Variants in PARP4 observed in about 807,000 individuals in gnomAD.
The protein encoded by PARP4 is protein mono-ADP-ribosyltransferase PARP4.
Under a neutral mutation model 187.7 loss-of-function variants are expected in PARP4, and 120 were observed. The ratio of observed to expected loss-of-function variants is 0.64; its 90% CI spans 0.55 to 0.74. The LOEUF (loss-of-function observed/expected upper bound fraction) is 0.74, where lower values mean the gene tolerates loss of function less well. Ranked by LOEUF, PARP4 falls within the 30% of genes least tolerant of loss-of-function variation. The probability of loss-of-function intolerance (pLI) is 0.00; values close to 1 mark genes in which losing one functional copy is unlikely to be tolerated. For missense variants in PARP4, 1,836 were observed against 2,070.5 expected (o/e 0.89, Z 2.20); for synonymous variants, 654 against 740.9 (o/e 0.88, Z 1.90).
intron 12 of PARP4, among the ~76,000 whole-genome samples, chr13:24,480,153 A>G (rs759784252): frequency 2.6e-5 from 4 of 152,244 alleles, no homozygotes; most frequent in Non-Finnish European, 5.9e-5. Context: ...TCTTGAAGTC[A>G]GTGAGACCAA....
At position 24,435,062 on chromosome 13, in the gene PARP4, T is replaced by A. The variant is rs1870550017; in HGVS notation, c.4079A>T (p.Asp1360Val). 6.2e-7 allele frequency: 1 copy of A among 1,613,924 alleles called. No homozygotes were observed. Among genetic ancestry groups the A allele is most frequent in the African/African-American group, 1.3e-5 (1 of 74,900 alleles). The part of the protein sequence containing the change: ...FGSAAPPRQF[D>V]ASQFSQGPVP... ...AGGGCCTTGGCTGAATTGAGATGCA[T>A]CAAACTGTCTGGGAGGAGCAGCTGA... The change falls in exon 31 of 34, where the codon GAT becomes GTT. Residue 1360 changes from aspartate (D) to valine (V), a missense_variant. By Grantham distance (152) the Asp-to-Val change is radical. Coordinates refer to ENST00000381989, the MANE Select transcript of PARP4 (RefSeq NM_006437.4).
rs983546939 is a variant in PARP4 at position 24,484,828 on chromosome 13, T to A, written c.1353-80A>T. On this transcript the variant is annotated intron_variant, in intron 11 of 33. Coordinates refer to ENST00000381989, the MANE Select transcript of PARP4 (RefSeq NM_006437.4). Reference sequence around the variant, plus strand: ...CTTGCTCAGAATTTTGGCAGGTTCCTACTGAACTTCTGGCATTCAGAGAAC... The same window carrying A: ...CTTGCTCAGAATTTTGGCAGGTTCCAACTGAACTTCTGGCATTCAGAGAAC... 7 of 888,944 alleles carry A rather than the reference T, an allele frequency of 7.9e-6. No individual in the cohort carries two copies. The African/African-American group carries it at 9.9e-5, about 13-fold the overall frequency. 55.1% of individuals were successfully genotyped at this position (888,944 alleles called of 1,614,324 possible). A position where few individuals can be genotyped will look rare whatever the true frequency, so the allele number is the denominator to read the frequency against.
At chr13:24,511,940 C>T (rs1870038006) in intron 1 of PARP4, among the ~76,000 whole-genome samples, 1 of 152,182 alleles carries the variant, frequency 6.6e-6, no homozygotes, top group Non-Finnish European at 1.5e-5. Flanking sequence ...AGTAGCTCTA[C>T]GCACACAAAC....
chr13:24,463,807 C>G (rs777014259), intron 17 of PARP4, among the ~76,000 whole-genome samples: 3 of 151,970 alleles, frequency 2.0e-5, no homozygotes, highest in Non-Finnish European at 2.9e-5. Flanking sequence ...GGCACTCAGT[C>G]AAGATAAAGA....
At chr13:24,495,184 T>A (rs968184860) in intron 6 of PARP4, among the ~76,000 whole-genome samples, 3 of 152,180 alleles carry the variant, frequency 2.0e-5, no homozygotes, top group African/African-American at 7.2e-5. Flanking sequence ...ATTACCAAAA[T>A]TTTAAACTCT....
At chr13:24,473,876 G>T (rs1448673509) in intron 15 of PARP4, among the ~76,000 whole-genome samples, 1 of 152,034 alleles carries the variant, frequency 6.6e-6, no homozygotes, top group East Asian at 1.9e-4. Context: ...CTCCCTCCTG[G>T]TCTCTGTGGC....
At chr13:24,508,584 G>A (rs901654655) in intron 1 of PARP4, among the ~76,000 whole-genome samples, 10 of 152,176 alleles carry the variant, frequency 6.6e-5, no homozygotes, top group Admixed American at 6.5e-4. Context: ...TGAGACCTCG[G>A]CTCACGGCAC....
At chr13:24,479,259 GA>G (rs369304493) in intron 12 of PARP4, among the ~76,000 whole-genome samples, 2,251 of 149,304 alleles carry the variant, frequency 0.015, 61 homozygotes, top group African/African-American at 0.052. Flanking sequence ...TTCACCTACT[GA>G]AAAAAAAAAT....
At chr13:24,481,529 C>T (rs1403663329) in intron 12 of PARP4, among the ~76,000 whole-genome samples, 2 of 152,118 alleles carry the variant, frequency 1.3e-5, no homozygotes, top group East Asian at 1.9e-4. Context: ...CCTATCTCTA[C>T]TAAAAATACA....
intron 12 of PARP4, among the ~76,000 whole-genome samples, chr13:24,484,397 T>C (rs954418289): frequency 6.6e-6 from 1 of 152,138 alleles, no homozygotes; most frequent in Non-Finnish European, 1.5e-5. Context: ...GGTCTTAAAC[T>C]CCTGGGCTCA....
At chr13:24,509,863 C>G (rs1429532034) in intron 1 of PARP4, among the ~76,000 whole-genome samples, 1 of 152,028 alleles carries the variant, frequency 6.6e-6, no homozygotes, top group Non-Finnish European at 1.5e-5. Context: ...CCACGCCCAG[C>G]TAATTTTTGT....
chr13:24,460,269 TA>T, intron 17 of PARP4, 133 bp from the exon 18 acceptor site: 1 of 739,992 alleles, frequency 1.4e-6, no homozygotes, highest in Non-Finnish European at 2.2e-6. Flanking sequence ...TAATAAAACC[TA>T]AAAGACACAT....
intron 30 of PARP4, among the ~76,000 whole-genome samples, chr13:24,436,600 G>A (rs919817375): frequency 2.4e-4 from 37 of 152,284 alleles, no homozygotes; most frequent in African/African-American, 8.7e-4. Context: ...GAGACACTGT[G>A]TCCAGCCAAA....
intron 25 of PARP4, among the ~76,000 whole-genome samples, chr13:24,448,694 T>C (rs1312122749): frequency 6.6e-6 from 1 of 152,182 alleles, no homozygotes; most frequent in Admixed American, 6.5e-5. Flanking sequence ...TTATTCACAA[T>C]AGCCAAAGGA....
intron 1 of PARP4, among the ~76,000 whole-genome samples, chr13:24,510,472 T>G (rs1290879449): frequency 7.0e-6 from 1 of 142,532 alleles, no homozygotes; most frequent in Non-Finnish European, 1.5e-5. Context: ...GGGAATGGCG[T>G]GAACCCGGGA....
At chr13:24,503,507 G>T in intron 2 of PARP4, 138 bp downstream of exon 2, 1 of 1,015,724 alleles carries the variant, frequency 9.8e-7, no homozygotes. Flanking sequence ...AATGGGCCAT[G>T]TCAGTCTCTC....
intron 17 of PARP4, among the ~76,000 whole-genome samples, chr13:24,463,308 GA>G (rs2137488650): frequency 6.6e-6 from 1 of 152,206 alleles, no homozygotes; most frequent in Non-Finnish European, 1.5e-5. Context: ...TTTCAAAAAT[GA>G]AGGTGAAAGA....
rs1488850642 is a variant in PARP4, at chr13:24,421,192, T to C, written c.5102A>G (p.Lys1701Arg). ...ELGNDWDSAT[K>R]QLLGLQPIST... Reference sequence around the variant, plus strand: ...TATGGGCTGGAGTCCCAGCAACTGCTTGGTGGCAGAGTCCCAGTCGTTCCC... The same window carrying C: ...TATGGGCTGGAGTCCCAGCAACTGCCTGGTGGCAGAGTCCCAGTCGTTCCC... The change falls in exon 34 of 34, where the codon AAG becomes AGG. Residue 1701 changes from lysine (K) to arginine (R), a missense_variant. This residue lies in a region of PARP4 where 29 missense variants were observed against 81.3 expected (regional missense o/e 0.36). Transcript: ENST00000381989. 6.9e-7 allele frequency: 1 copy of C among 1,456,480 alleles called. No individual in the cohort carries two copies. The highest frequency in any genetic ancestry group is 2.4e-5 in the East Asian group (1 of 40,820). 90.2% of individuals were successfully genotyped at this position (1,456,480 alleles called of 1,614,324 possible).
chr13:24,438,372 T>A (rs1593592405), intron 30 of PARP4, among the ~76,000 whole-genome samples: 1 of 152,190 alleles, frequency 6.6e-6, no homozygotes, highest in African/African-American at 2.4e-5. Flanking sequence ...GCTCCCTCAC[T>A]GCCCCTCACC....
Sources: allele counts gnomAD v4.1 joint callset (sites outside exome capture counted in the v4.1 genomes callset), GRCh38; gene constraint gnomAD v4.1.1; regional missense constraint gnomAD v4.1.1; transcripts MANE v1.5; gene names NCBI Gene and HGNC (gene_info 2026-07-23, HGNC 2026-07-21).